The following SRGAP1 variants were observed in gnomAD, a reference collection of about 807,000 sequenced individuals.
The protein encoded by SRGAP1 is SLIT-ROBO Rho GTPase activating protein 1, also known as SLIT-ROBO Rho GTPase-activating protein 1.
A neutral mutation model predicts 121.9 loss-of-function variants in SRGAP1; 43 were observed. The observed-to-expected ratio is 0.35, with a 90% CI of 0.28 to 0.46. The LOEUF (loss-of-function observed/expected upper bound fraction) is 0.46, where lower values mean the gene tolerates loss of function less well. Among genes scored for constraint, SRGAP1 ranks in the 20% least tolerant of loss-of-function variants. The pLI is 1.00. For missense variants in SRGAP1, 1,102 were observed against 1,350.9 expected, an observed-to-expected ratio of 0.82 and a Z score of 2.89; for synonymous variants, 447 against 485.4, an observed-to-expected ratio of 0.92 and a Z score of 1.04.
At chr12:64,086,154 C>A (rs116513505) in intron 10 of SRGAP1, among the ~76,000 whole-genome samples, 2 of 152,192 alleles carry the variant, frequency 1.3e-5, no homozygotes, top group African/African-American at 2.4e-5. Flanking sequence ...ACGTGACCAT[C>A]CCCTGCCAGC....
chr12:63,962,540 G>A (rs2054150), intron 1 of SRGAP1, among the ~76,000 whole-genome samples: 2 of 151,822 alleles, frequency 1.3e-5, no homozygotes, highest in East Asian at 1.9e-4. Flanking sequence ...CCTGAGTACC[G>A]GGGATTACAG....
intron 8 of SRGAP1, among the ~76,000 whole-genome samples, chr12:64,073,184 T>C (rs1405273806): frequency 6.6e-6 from 1 of 152,182 alleles, no homozygotes; most frequent in Non-Finnish European, 1.5e-5. Flanking sequence ...TGATATGCAG[T>C]CCCAGCATTG....
intron 8 of SRGAP1, among the ~76,000 whole-genome samples, chr12:64,077,079 A>T (rs1450098769): frequency 6.6e-6 from 1 of 152,214 alleles, no homozygotes; most frequent in Non-Finnish European, 1.5e-5. Flanking sequence ...TTAAATCCTT[A>T]CCTAGATATA....
chr12:64,095,038 A>T, intron 13 of SRGAP1, 46 bp downstream of exon 13: 1 of 1,610,702 alleles, frequency 6.2e-7, no homozygotes, highest in South Asian at 1.1e-5. Flanking sequence ...AAATCACTTG[A>T]AGTGTTTCAG....
chr12:63,904,985 C>G (rs1325786894), intron 1 of SRGAP1, among the ~76,000 whole-genome samples: 2 of 152,098 alleles, frequency 1.3e-5, no homozygotes, highest in Non-Finnish European at 2.9e-5. Context: ...TCCGTTTTAC[C>G]TTTGCTGCCT....
At chr12:63,931,881 G>A (rs910798800) in intron 1 of SRGAP1, among the ~76,000 whole-genome samples, 4 of 152,192 alleles carry the variant, frequency 2.6e-5, no homozygotes, top group African/African-American at 9.6e-5. Context: ...AAAGTAGCCT[G>A]CTGATCAGGT....
At chr12:64,056,127 TC>T (rs2035336463) in intron 6 of SRGAP1, among the ~76,000 whole-genome samples, 1 of 152,130 alleles carries the variant, frequency 6.6e-6, no homozygotes, top group Non-Finnish European at 1.5e-5. Context: ...AAAAACCAGT[TC>T]TCTTGTTCCA....
chr12:64,098,306 T>C (rs1390603895), intron 15 of SRGAP1, among the ~76,000 whole-genome samples: 1 of 151,808 alleles, frequency 6.6e-6, no homozygotes, highest in Non-Finnish European at 1.5e-5. Context: ...AGATTTTGCC[T>C]TCTTTTCCCA....
chr12:64,035,174 T>C (rs2034876631), intron 4 of SRGAP1, among the ~76,000 whole-genome samples: 1 of 152,166 alleles, frequency 6.6e-6, no homozygotes, highest in Non-Finnish European at 1.5e-5. Context: ...AAGGGCTGGC[T>C]TCTCATGCCT....
intron 8 of SRGAP1, among the ~76,000 whole-genome samples, chr12:64,074,301 CT>C (rs1180784199): frequency 6.6e-6 from 1 of 152,192 alleles, no homozygotes; most frequent in Non-Finnish European, 1.5e-5. Flanking sequence ...ACTCAGGGAT[CT>C]TTTAAAAATG....
At chr12:63,872,184 A>G (rs1899877102) in intron 1 of SRGAP1, 2 of 313,178 alleles carry the variant, frequency 6.4e-6, no homozygotes, top group East Asian at 1.4e-4. Context: ...CACCTGTTTG[A>G]TTGTTTTTGT....
At chr12:64,024,024 A>T (rs1034540982) in intron 4 of SRGAP1, among the ~76,000 whole-genome samples, 3 of 152,220 alleles carry the variant, frequency 2.0e-5, no homozygotes, top group Non-Finnish European at 4.4e-5. Flanking sequence ...AAGAATCAGT[A>T]AAACTCTCAC....
chr12:64,100,421 A>C (rs1045387895), intron 15 of SRGAP1, among the ~76,000 whole-genome samples: 4 of 152,180 alleles, frequency 2.6e-5, no homozygotes, highest in Non-Finnish European at 5.9e-5. Context: ...ATCTATGGAG[A>C]TATCTCATGT....
chr12:63,994,980 A>C (rs551751119), intron 3 of SRGAP1, among the ~76,000 whole-genome samples: 13 of 152,242 alleles, frequency 8.5e-5, no homozygotes, highest in Admixed American at 7.9e-4. Context: ...AGGACAGGCT[A>C]TCCAGCCAGC....
intron 6 of SRGAP1, among the ~76,000 whole-genome samples, chr12:64,050,066 A>G (rs1043984967): frequency 2.6e-5 from 4 of 152,104 alleles, no homozygotes; most frequent in Admixed American, 6.5e-5. Flanking sequence ...AGTTTCTTGC[A>G]TCAGTGTTTT....
Position 64,108,936 on chromosome 12 carries a change from A to G in SRGAP1, c.1818A>G (p.Ile606Met). ...CATGTCATCTTCTGTCTGTAGGAAT[A>G]GATAATCTCTATGAGAGGGCGCTTC... ...RFNDLISCIR[I>M]DNLYERALHI... Residue 606 changes from isoleucine (I) to methionine (M), a missense_variant, in exon 16 of 22, where the codon ATA becomes ATG. Physicochemically the swap from Ile to Met is conservative, Grantham distance 10. This residue lies in a region of SRGAP1 where 747 missense variants were observed against 929.4 expected (regional missense o/e 0.80). Coordinates refer to ENST00000355086, the MANE Select transcript of SRGAP1 (RefSeq NM_020762.4). 6.3e-7 allele frequency: 1 copy of G among 1,595,342 alleles called. No individual in the cohort carries two copies. Among genetic ancestry groups the G allele is most frequent in the Non-Finnish European group, 8.6e-7 (1 of 1,167,494 alleles).
At chr12:64,130,759 A>G (rs1230574252) in intron 21 of SRGAP1, among the ~76,000 whole-genome samples, 1 of 152,234 alleles carries the variant, frequency 6.6e-6, no homozygotes, top group African/African-American at 2.4e-5. Context: ...GCTGTGTGGA[A>G]TACCATCATG....
chr12:63,934,138 G>A (rs898791102), intron 1 of SRGAP1, among the ~76,000 whole-genome samples: 2 of 152,092 alleles, frequency 1.3e-5, no homozygotes, highest in Admixed American at 1.3e-4. Context: ...AAAAAAACAA[G>A]GAGACTCTTC....
At chr12:64,077,375 A>G (rs1262040622) in intron 8 of SRGAP1, among the ~76,000 whole-genome samples, 1 of 151,818 alleles carries the variant, frequency 6.6e-6, no homozygotes, top group Non-Finnish European at 1.5e-5. Context: ...CACTTAAAAT[A>G]TAAGCACTCG....
Sources: gnomAD v4.1 joint callset for allele counts (sites outside exome capture counted in the v4.1 genomes callset) on GRCh38, gnomAD v4.1.1 for gene constraint, gnomAD v4.1.1 regional missense constraint, MANE v1.5 for transcripts, NCBI Gene and HGNC (gene_info 2026-07-23, HGNC 2026-07-21) for gene names.